Variants in RNF220 observed in about 807,000 individuals in gnomAD.
RNF220 encodes the protein E3 ubiquitin-protein ligase RNF220.
A neutral mutation model predicts 67.1 loss-of-function variants in RNF220; 7 were observed. That is an observed-to-expected ratio of 0.10 (90% CI 0.06 to 0.20). The LOEUF is 0.20. Among genes scored for constraint, RNF220 ranks in the 10% least tolerant of loss-of-function variants. The pLI is 1.00. For missense variants in RNF220, 565 were observed against 740.3 expected (o/e 0.76, Z 2.75); for synonymous variants, 270 against 283.2 (o/e 0.95, Z 0.47).
intron 2 of RNF220, among the ~76,000 whole-genome samples, chr1:44,524,744 T>C (rs546195104): frequency 6.6e-6 from 1 of 152,328 alleles, no homozygotes; most frequent in African/African-American, 2.4e-5. Flanking sequence ...CGATATTTCA[T>C]TTGAGACCGC....
intron 2 of RNF220, among the ~76,000 whole-genome samples, chr1:44,429,441 A>G (rs1200076901): frequency 1.3e-5 from 2 of 152,226 alleles, no homozygotes; most frequent in African/African-American, 4.8e-5. Context: ...GAGCAGAGGA[A>G]GTGTCTCTTC....
chr1:44,432,446 T>C (rs532680295), intron 2 of RNF220, among the ~76,000 whole-genome samples: 56 of 152,218 alleles, frequency 3.7e-4, no homozygotes, highest in African/African-American at 1.3e-3. Context: ...AATTTTTGTA[T>C]TTTTAGTAGA....
intron 8 of RNF220, among the ~76,000 whole-genome samples, chr1:44,637,064 T>A (rs1252037607): frequency 6.6e-6 from 1 of 152,220 alleles, no homozygotes; most frequent in Non-Finnish European, 1.5e-5. Flanking sequence ...CCCGTCTGCC[T>A]CTCTCTCTGG....
At position 44,649,766 on chromosome 1, in the gene RNF220, C is replaced by T; in HGVS notation, c.1551C>T (p.Cys517=). ...SRGDRYKCLI[C]MDSYSMPLTS... ...GGGACCGTTACAAATGCCTCATCTG[C>T]ATGGTGAGTAGAAAAGAACCTAGGG... The change falls in exon 13 of 15, where the codon TGC becomes TGT. Residue 517 remains cysteine, a synonymous_variant. Transcript: ENST00000361799. The surrounding 1 kb of genome is among the most constrained non-coding windows in gnomAD (Gnocchi z 5.9). 6.2e-7 allele frequency: 1 copy of T among 1,613,924 alleles called. No individual in the cohort carries two copies. Among genetic ancestry groups the T allele is most frequent in the Non-Finnish European group, 8.5e-7 (1 of 1,179,836 alleles).
intron 2 of RNF220, among the ~76,000 whole-genome samples, chr1:44,584,191 A>G (rs920509539): frequency 1.3e-5 from 2 of 152,164 alleles, no homozygotes; most frequent in African/African-American, 4.8e-5. Context: ...GTTACAGGAA[A>G]TGTCCTTTGG....
intron 8 of RNF220, among the ~76,000 whole-genome samples, chr1:44,640,554 G>A (rs1293482586): frequency 1.3e-5 from 2 of 152,236 alleles, no homozygotes; most frequent in East Asian, 1.9e-4. Context: ...TTTAAACGGC[G>A]TCTGTCTCTC....
rs1643832457 is a variant in RNF220 at position 44,622,321 on chromosome 1, G to T, written c.759-421G>T. 6.6e-6 allele frequency among the ~76,000 whole-genome samples: 1 copy of T among 152,238 alleles called. No homozygotes were observed. Among genetic ancestry groups the T allele is most frequent in the Admixed American group, 6.5e-5 (1 of 15,288 alleles). ...GCCTAACACAGTTTGCAGCATGTTG[G>T]AGGGAGAATTGACAAGAGCCCTGTC... On this transcript the variant is annotated intron_variant, in intron 3 of 14. Transcript: ENST00000361799. The surrounding 1 kb of genome is among the most constrained non-coding windows in gnomAD (Gnocchi z 4.3).
In RNF220 at chr1:44,417,615, G is replaced by A. The variant is rs1648689868; in HGVS notation, c.625+4893G>A. Among the ~76,000 whole-genome samples, 2 of 152,352 alleles carry A rather than the reference G, an allele frequency of 1.3e-5. No homozygotes were observed. Among genetic ancestry groups the A allele is most frequent in the African/African-American group, 2.4e-5 (1 of 41,592 alleles). On this transcript the variant is annotated intron_variant, in intron 2 of 14. Coordinates refer to ENST00000361799, the MANE Select transcript of RNF220 (RefSeq NM_018150.4). This position sits in a 1 kb window ranked among gnomAD's most constrained non-coding sequence, Gnocchi z 4.0. ...CCATGGTGAGAAAACGGACACCGCA[G>A]CCGTCCTCCCTCCTCGCCCCGCGCC...
intron 2 of RNF220, among the ~76,000 whole-genome samples, chr1:44,504,151 A>G (rs1428810137): frequency 6.6e-6 from 1 of 152,122 alleles, no homozygotes; most frequent in Non-Finnish European, 1.5e-5. Context: ...CCCGGCCGCC[A>G]TCCGTGTTTT....
intron 2 of RNF220, among the ~76,000 whole-genome samples, chr1:44,515,137 G>T (rs898418373): frequency 6.6e-6 from 1 of 152,204 alleles, no homozygotes; most frequent in Non-Finnish European, 1.5e-5. Context: ...CAAGCCAACA[G>T]TCTATTCCCT....
chr1:44,421,180 C>T (rs777961593), intron 2 of RNF220, among the ~76,000 whole-genome samples: 1 of 152,088 alleles, frequency 6.6e-6, no homozygotes, highest in Non-Finnish European at 1.5e-5. Flanking sequence ...GTCTGGGAGT[C>T]GGGAGAGGAT....
In RNF220 at chr1:44,600,264, T is replaced by C. The variant is rs1217995534; in HGVS notation, c.626-13901T>C. On this transcript the variant is annotated intron_variant, in intron 2 of 14. Coordinates refer to ENST00000361799, the MANE Select transcript of RNF220 (RefSeq NM_018150.4). The surrounding 1 kb of genome is among the most constrained non-coding windows in gnomAD (Gnocchi z 4.0). ...TCCAAGCAGAGCATCTTCTACGCAG[T>C]GTTGTACGTGGCTCAGATTGGAGGT... Among the ~76,000 whole-genome samples the C allele has an allele frequency of 1.3e-5, 2 of 152,150 alleles. No homozygotes were observed. The highest frequency in any genetic ancestry group is 2.9e-5 in the Non-Finnish European group (2 of 68,038).
At chr1:44,537,197 T>C (rs192943337) in intron 2 of RNF220, among the ~76,000 whole-genome samples, 93 of 152,270 alleles carry the variant, frequency 6.1e-4, no homozygotes, top group African/African-American at 2.1e-3. Context: ...ACACCTTTCT[T>C]TGCGTGGTCT....
intron 6 of RNF220, among the ~76,000 whole-genome samples, chr1:44,633,458 C>G (rs2148477616): frequency 6.6e-6 from 1 of 152,228 alleles, no homozygotes; most frequent in East Asian, 1.9e-4. Flanking sequence ...GAGAACAGAA[C>G]TTTCCCTACC....
intron 2 of RNF220, among the ~76,000 whole-genome samples, chr1:44,580,635 G>A (rs1006303224): frequency 1.3e-5 from 2 of 152,196 alleles, no homozygotes; most frequent in Non-Finnish European, 2.9e-5. Context: ...TCCTGGCCTC[G>A]GAGGTGTTTG....
At chr1:44,447,366 G>A (rs1652210577) in intron 2 of RNF220, among the ~76,000 whole-genome samples, 1 of 152,174 alleles carries the variant, frequency 6.6e-6, no homozygotes, top group African/African-American at 2.4e-5. Flanking sequence ...ACGTAAAACA[G>A]CCAAGATAGT....
intron 2 of RNF220, among the ~76,000 whole-genome samples, chr1:44,511,922 T>C (rs1359521544): frequency 6.6e-6 from 1 of 151,510 alleles, no homozygotes; most frequent in Non-Finnish European, 1.5e-5. Flanking sequence ...TGTGCGTGTG[T>C]GTGTGTGTGT....
chr1:44,649,969 T>A lies in RNF220; in HGVS notation c.1629+12T>A. ...GGCTGCGGACCCTGGTGAGGTGGCATGGGGGTCGGGGAATGGGAGGCCGCT... is the reference window on the plus strand; with the variant it reads ...GGCTGCGGACCCTGGTGAGGTGGCAAGGGGGTCGGGGAATGGGAGGCCGCT... On this transcript the variant is annotated intron_variant, in intron 14 of 14. Transcript: ENST00000361799. This position sits in a 1 kb window ranked among gnomAD's most constrained non-coding sequence, Gnocchi z 5.9. 6.2e-7 allele frequency: 1 copy of A among 1,612,666 alleles called. No individual in the cohort carries two copies. Among genetic ancestry groups the A allele is most frequent in the Non-Finnish European group, 8.5e-7 (1 of 1,179,704 alleles).
Position 44,529,910 on chromosome 1 carries a change from A to C in RNF220, c.626-84255A>C, listed in dbSNP as rs565821070. Among the ~76,000 whole-genome samples, 6 of 151,984 alleles carry C rather than the reference A, an allele frequency of 3.9e-5. No homozygotes were observed. The South Asian group carries it at 1.0e-3, about 26-fold the overall frequency. On this transcript the variant is annotated intron_variant, in intron 2 of 14. Coordinates refer to ENST00000361799, the MANE Select transcript of RNF220 (RefSeq NM_018150.4). ...TACTAAAAATACAAAAAAAATTAGC[A>C]GGGCATGGTGGTGGGCGCCTCTACT...
Sources: gnomAD v4.1 joint callset for allele counts (sites outside exome capture counted in the v4.1 genomes callset) on GRCh38, gnomAD v4.1.1 for gene constraint, Gnocchi (gnomAD v3.1) non-coding constraint, MANE v1.5 for transcripts, NCBI Gene and HGNC (gene_info 2026-07-23, HGNC 2026-07-21) for gene names.